The following SLC44A1 variants were observed in gnomAD, a reference collection of about 807,000 sequenced individuals.
SLC44A1 encodes the protein solute carrier family 44 member 1, also known as choline transporter-like protein 1.
In SLC44A1, 26 loss-of-function variants were observed where a neutral mutation model predicts 79.3. That is an observed-to-expected ratio of 0.33 (90% CI 0.24 to 0.46). The LOEUF (loss-of-function observed/expected upper bound fraction) is 0.46. SLC44A1 is among the 20% of genes least tolerant of loss of function. The pLI, the probability that SLC44A1 is intolerant of heterozygous loss-of-function variation, is 1.00. For missense variants in SLC44A1, 688 were observed against 798.1 expected (o/e 0.86, Z 1.66); for synonymous variants, 263 against 286.2 (o/e 0.92, Z 0.82).
chr9:105,419,959 T>C (rs1483800234), intron 15 of SLC44A1, among the ~76,000 whole-genome samples: 1 of 150,988 alleles, frequency 6.6e-6, no homozygotes, highest in African/African-American at 2.4e-5. Flanking sequence ...GTTTCCATGC[T>C]GCCTGCTCTG....
chr9:105,377,939 A>G (rs1828343459), intron 13 of SLC44A1, among the ~76,000 whole-genome samples: 2 of 152,140 alleles, frequency 1.3e-5, no homozygotes, highest in Admixed American at 1.3e-4. Context: ...ATACTGATCA[A>G]TACATAGAAT....
chr9:105,400,381 C>T (rs1005918206), downstream of SLC44A1, among the ~76,000 whole-genome samples: 6 of 151,492 alleles, frequency 4.0e-5, no homozygotes, highest in East Asian at 1.9e-4. Context: ...CCCAGCTACT[C>T]GGGAGGCTGA....
downstream of SLC44A1, among the ~76,000 whole-genome samples, chr9:105,397,854 A>G (rs1241134200): frequency 1.3e-5 from 2 of 152,144 alleles, no homozygotes; most frequent in African/African-American, 4.8e-5. Context: ...AGACTGAGGC[A>G]GGAGAATGGC....
intron 4 of SLC44A1, among the ~76,000 whole-genome samples, chr9:105,344,258 G>A (rs186409472): frequency 1.8e-4 from 28 of 152,166 alleles, no homozygotes; most frequent in South Asian, 4.1e-4. Context: ...AGAAAAATTA[G>A]CCCCCAGCAT....
At chr9:105,248,953 A>G (rs1829518182) in intron 1 of SLC44A1, among the ~76,000 whole-genome samples, 1 of 152,188 alleles carries the variant, frequency 6.6e-6, no homozygotes, top group African/African-American at 2.4e-5. Flanking sequence ...GCAGTGCTTT[A>G]GAGGCCAGGA....
rs371379738 is a variant in SLC44A1 at position 105,255,109 on chromosome 9, T to G, written c.36+10205T>G. Reference sequence around the variant, plus strand: ...TACTTTCAGGTTTTTTTGTTTTTTTTTTTTTTTAATAATTAAACTGAAAAG... The same window carrying G: ...TACTTTCAGGTTTTTTTGTTTTTTTGTTTTTTTAATAATTAAACTGAAAAG... On this transcript the variant is annotated intron_variant, in intron 1 of 15. Coordinates refer to ENST00000374720, the MANE Select transcript of SLC44A1 (RefSeq NM_080546.5). 2.0e-4 allele frequency among the ~76,000 whole-genome samples: 31 copies of G among 151,394 alleles called. No homozygotes were observed. In the East Asian group the frequency reaches 2.7e-3, roughly 13 times the overall value.
At chr9:105,424,191 G>A (rs1001198610) in intron 15 of SLC44A1, among the ~76,000 whole-genome samples, 2 of 152,218 alleles carry the variant, frequency 1.3e-5, no homozygotes, top group African/African-American at 2.4e-5. Context: ...CTCTTCCATG[G>A]GGCAAGGAGT....
chr9:105,431,984 G>T (rs57430142), intron 15 of SLC44A1, among the ~76,000 whole-genome samples: 1 of 152,128 alleles, frequency 6.6e-6, no homozygotes, highest in Non-Finnish European at 1.5e-5. Flanking sequence ...GTGCAGTGGC[G>T]CAATCTTGGC....
chr9:105,259,150 G>A (rs942042603), intron 1 of SLC44A1, among the ~76,000 whole-genome samples: 3 of 152,126 alleles, frequency 2.0e-5, no homozygotes, highest in Non-Finnish European at 4.4e-5. Context: ...GCTACTGTGC[G>A]TATCCTCCAG....
At position 105,391,718 on chromosome 9, in the gene SLC44A1, T is replaced by C. The variant is rs1588863290; in HGVS notation, c.*2662T>C. 1 of 985,386 alleles carries C rather than the reference T, an allele frequency of 1.0e-6. No homozygotes were observed. Among genetic ancestry groups the C allele is most frequent in the Non-Finnish European group, 1.2e-6 (1 of 829,914 alleles). 61.0% of individuals were successfully genotyped at this position (985,386 alleles called of 1,614,324 possible). On this transcript the variant is annotated 3_prime_UTR_variant, in exon 16 of 16. Coordinates refer to ENST00000374720, the MANE Select transcript of SLC44A1 (RefSeq NM_080546.5). Reference sequence around the variant, plus strand: ...AGCTAGCTATGGGCTGCCTTATTGCTATTCGCTCACTGCTTCCATCTTCTG... The same window carrying C: ...AGCTAGCTATGGGCTGCCTTATTGCCATTCGCTCACTGCTTCCATCTTCTG...
intron 6 of SLC44A1, among the ~76,000 whole-genome samples, chr9:105,357,875 T>G (rs1379027325): frequency 6.6e-6 from 1 of 152,232 alleles, no homozygotes; most frequent in East Asian, 1.9e-4. Context: ...GCTTCTTGAC[T>G]GACTGTCAGA....
chr9:105,259,163 C>A (rs1289524637), intron 1 of SLC44A1, among the ~76,000 whole-genome samples: 1 of 152,084 alleles, frequency 6.6e-6, no homozygotes, highest in Non-Finnish European at 1.5e-5. Flanking sequence ...TCCTCCAGGG[C>A]CCTTCCATAT....
At position 105,358,423 on chromosome 9, in the gene SLC44A1, C is replaced by T. The variant is rs1046417696; in HGVS notation, c.750C>T (p.Leu250=). 6 of 1,567,726 alleles carry T rather than the reference C, an allele frequency of 3.8e-6. No individual in the cohort carries two copies. Among genetic ancestry groups the T allele is most frequent in the East Asian group, 4.5e-5 (2 of 44,528 alleles). Reference sequence around the variant, plus strand: ...GGATCTTAACGATTCTGGTCATACTCGGTTCACTTGGTAAGCTATTTATTT... The same window carrying T: ...GGATCTTAACGATTCTGGTCATACTTGGTTCACTTGGTAAGCTATTTATTT... ...LVWILTILVI[L]GSLGGTGVLW... The change falls in exon 7 of 16, where the codon CTC becomes CTT. Residue 250 remains leucine, a synonymous_variant. Coordinates refer to ENST00000374720, the MANE Select transcript of SLC44A1 (RefSeq NM_080546.5).
intron 1 of SLC44A1, among the ~76,000 whole-genome samples, chr9:105,260,484 ACT>A (rs1184740222): frequency 1.3e-5 from 2 of 152,302 alleles, no homozygotes; most frequent in East Asian, 3.9e-4. Flanking sequence ...GGATCAGGTG[ACT>A]CTTAACTAAG....
At chr9:105,382,934 A>G (rs1391862793) in intron 13 of SLC44A1, among the ~76,000 whole-genome samples, 189 bp from the exon 14 acceptor site, 2 of 152,218 alleles carry the variant, frequency 1.3e-5, no homozygotes, top group South Asian at 4.1e-4. Context: ...TAAAATTTAT[A>G]TTATATGATA....
intron 15 of SLC44A1, among the ~76,000 whole-genome samples, chr9:105,416,706 T>C (rs1829176412): frequency 6.6e-6 from 1 of 152,236 alleles, no homozygotes; most frequent in African/African-American, 2.4e-5. Context: ...TGATAAGAGA[T>C]GAGGCCAAGG....
chr9:105,415,500 G>C (rs1329896660), intron 15 of SLC44A1, among the ~76,000 whole-genome samples: 3 of 152,230 alleles, frequency 2.0e-5, no homozygotes, highest in Non-Finnish European at 2.9e-5. Context: ...ACCTTAGAGG[G>C]AGGCAGGAGT....
At chr9:105,376,300 A>G (rs1271336990) in intron 13 of SLC44A1, among the ~76,000 whole-genome samples, 3 of 138,554 alleles carry the variant, frequency 2.2e-5, no homozygotes, top group Non-Finnish European at 4.7e-5. Flanking sequence ...TTAGAATAAA[A>G]GTATATATAT....
At chr9:105,318,866 G>A (rs7035065) in intron 3 of SLC44A1, among the ~76,000 whole-genome samples, 20,358 of 151,408 alleles carry the variant, frequency 0.13, 3,536 homozygotes, top group African/African-American at 0.41. Context: ...GTTTTTCTCC[G>A]TGTTGTTTGA....
Sources: gnomAD v4.1 joint callset for allele counts (sites outside exome capture counted in the v4.1 genomes callset) on GRCh38, gnomAD v4.1.1 for gene constraint, MANE v1.5 for transcripts, NCBI Gene and HGNC (gene_info 2026-07-23, HGNC 2026-07-21) for gene names.